The following SPIN1 variants were observed in gnomAD, a reference collection of about 807,000 sequenced individuals.
The protein encoded by SPIN1 is spindlin-1.
SPIN1 carries 3 observed loss-of-function variants against 26.0 expected under a neutral mutation model. The observed-to-expected ratio is 0.12, with a 90% CI of 0.05 to 0.30. The LOEUF is 0.30. Among genes scored for constraint, SPIN1 ranks in the 10% least tolerant of loss-of-function variants. SPIN1 has a pLI of 1.00. For synonymous variants in SPIN1, 101 were observed against 116.5 expected, an observed-to-expected ratio of 0.87 and a Z score of 0.86; for missense variants, 126 against 333.4, an observed-to-expected ratio of 0.38 and a Z score of 4.84.
rs376821565 is a variant in SPIN1 at position 88,475,309 on chromosome 9, A to C, written c.*32A>C. 4.9e-4 allele frequency: 782 copies of C among 1,596,024 alleles called. No homozygotes were observed. Among genetic ancestry groups the C allele is most frequent in the Non-Finnish European group, 6.3e-4 (732 of 1,165,482 alleles). On this transcript the variant is annotated 3_prime_UTR_variant, in exon 6 of 6. Coordinates refer to ENST00000375859, the MANE Select transcript of SPIN1 (RefSeq NM_006717.3). ...TCACAAACTCTGCCAAATTTGTGGA[A>C]CTATGAAATGTATTATTTGTAGACA...
At chr9:88,431,327 T>C (rs751770230) in intron 2 of SPIN1, among the ~76,000 whole-genome samples, 2 of 151,500 alleles carry the variant, frequency 1.3e-5, no homozygotes, top group Non-Finnish European at 2.9e-5. Context: ...AAGAGCTCTG[T>C]CGGCCTGGGC....
At chr9:88,442,423 T>C (rs1446135464) in intron 2 of SPIN1, among the ~76,000 whole-genome samples, 1 of 149,216 alleles carries the variant, frequency 6.7e-6, no homozygotes, top group Non-Finnish European at 1.5e-5. Context: ...TTTTTTTTTT[T>C]GAAGACAGTC....
intron 1 of SPIN1, chr9:88,415,461 C>T (rs1322974074): frequency 6.6e-6 from 1 of 152,140 alleles, no homozygotes; most frequent in Non-Finnish European, 1.5e-5. Flanking sequence ...CTTGCTCTGT[C>T]ACCCAGTGCA....
intron 2 of SPIN1, among the ~76,000 whole-genome samples, chr9:88,430,245 A>G (rs11142295): frequency 0.02 from 3,035 of 152,270 alleles, 94 homozygotes; most frequent in African/African-American, 0.069. Flanking sequence ...CTTCACTCAC[A>G]TGGGCTGATA....
chr9:88,411,498 C>A, intron 1 of SPIN1: 1 of 835,968 alleles, frequency 1.2e-6, no homozygotes, highest in Non-Finnish European at 1.9e-6. Context: ...AATGATGCTT[C>A]AGCGTCATCC....
At position 88,446,886 on chromosome 9, in the gene SPIN1, A is replaced by T. The variant is rs140778367; in HGVS notation, c.53-2055A>T. ...AATGGTTTTTAGAAATTTGATGAAG[A>T]AGTGCCTTGGTGTGGTTTCCTTTGT... On this transcript the variant is annotated intron_variant, in intron 2 of 5. Transcript: ENST00000375859. 7.4e-3 allele frequency among the ~76,000 whole-genome samples: 1,129 copies of T among 152,348 alleles called. 15 individuals are homozygous for T. The highest frequency in any genetic ancestry group is 0.025 in the African/African-American group (1,056 of 41,570).
chr9:88,412,247 C>G (rs1303985629), intron 1 of SPIN1, among the ~76,000 whole-genome samples: 2 of 152,150 alleles, frequency 1.3e-5, no homozygotes, highest in Non-Finnish European at 2.9e-5. Context: ...TTCCTTGCTT[C>G]TGATATGACA....
chr9:88,398,641 T>C (rs937060324), intron 1 of SPIN1, among the ~76,000 whole-genome samples: 4 of 152,172 alleles, frequency 2.6e-5, no homozygotes, highest in African/African-American at 4.8e-5. Flanking sequence ...AATGGCGCGA[T>C]GTTGGCTCAT....
intron 1 of SPIN1, among the ~76,000 whole-genome samples, chr9:88,389,132 C>T (rs1587764430): frequency 6.6e-6 from 1 of 152,238 alleles, no homozygotes; most frequent in East Asian, 1.9e-4. Context: ...GCAGGCTCCG[C>T]GGTTCGCGGC....
rs189553722 is a variant in SPIN1, at chr9:88,404,403, C to T, written c.-159+15865C>T. Among the ~76,000 whole-genome samples, 505 of 152,274 alleles carry T rather than the reference C, an allele frequency of 3.3e-3. 4 individuals carry two copies. The highest frequency in any genetic ancestry group is 0.022 in the South Asian group (107 of 4,828). On this transcript the variant is annotated intron_variant, in intron 1 of 5. Coordinates refer to ENST00000375859, the MANE Select transcript of SPIN1 (RefSeq NM_006717.3). ...AGTCTTGGCTGCTACAGTCAGACAG[C>T]GAAGACACTTTTTTCTTGCATCTGT...
intron 1 of SPIN1, among the ~76,000 whole-genome samples, chr9:88,415,908 TA>T (rs1326012264): frequency 9.0e-5 from 12 of 133,662 alleles, no homozygotes; most frequent in African/African-American, 4.4e-4. Context: ...CATGCTCGGC[TA>T]ATTTTTTTTT....
intron 1 of SPIN1, among the ~76,000 whole-genome samples, chr9:88,393,534 A>G (rs1464564171): frequency 7.7e-6 from 1 of 129,334 alleles, no homozygotes; most frequent in African/African-American, 3.1e-5. Flanking sequence ...AGCTGACTGC[A>G]CCCTCCACCT....
At chr9:88,435,456 C>T (rs984952411) in intron 2 of SPIN1, among the ~76,000 whole-genome samples, 2 of 152,074 alleles carry the variant, frequency 1.3e-5, no homozygotes, top group African/African-American at 4.8e-5. Context: ...GCCATGGTGC[C>T]AGCCCCATTT....
At chr9:88,400,844 CAAA>C (rs754813928) in intron 1 of SPIN1, among the ~76,000 whole-genome samples, 3,909 of 99,688 alleles carry the variant, frequency 0.039, 73 homozygotes, top group African/African-American at 0.059. Flanking sequence ...GACTCCGCCT[CAAA>C]AAAAAAAAAA....
intron 1 of SPIN1, among the ~76,000 whole-genome samples, chr9:88,419,392 A>G (rs1222647599): frequency 6.6e-6 from 1 of 152,208 alleles, no homozygotes; most frequent in Non-Finnish European, 1.5e-5. Context: ...ACACAGCAGC[A>G]GGGGACCCAT....
rs374069959 is a variant in SPIN1, at chr9:88,460,697, G to A, written c.102-1799G>A. 7.2e-5 allele frequency among the ~76,000 whole-genome samples: 11 copies of A among 152,256 alleles called. No homozygotes were observed. In the East Asian group the frequency reaches 7.8e-4, roughly 11 times the overall value. ...TCAGGCAGGCCAGCAGGAAGAAAAA[G>A]GGGTAAATTCCTCCCTCCTCTACCT... On this transcript the variant is annotated intron_variant, in intron 3 of 5. Coordinates refer to ENST00000375859, the MANE Select transcript of SPIN1 (RefSeq NM_006717.3).
chr9:88,473,388 C>T (rs150606930), intron 5 of SPIN1, among the ~76,000 whole-genome samples: 4 of 142,350 alleles, frequency 2.8e-5, no homozygotes, highest in African/African-American at 6.0e-5. Flanking sequence ...AGCAAGACTC[C>T]GTCTCAAAAA....
At chr9:88,451,091 A>G (rs1355486075) in intron 3 of SPIN1, among the ~76,000 whole-genome samples, 1 of 149,844 alleles carries the variant, frequency 6.7e-6, no homozygotes, top group African/African-American at 2.5e-5. Context: ...TCTAAAATGC[A>G]ATTTTTATGG....
chr9:88,392,571 G>GTCTCC (rs532680299), intron 1 of SPIN1, among the ~76,000 whole-genome samples: 3 of 151,946 alleles, frequency 2.0e-5, no homozygotes, highest in Non-Finnish European at 4.4e-5. Context: ...CTTGTTACCT[G>GTCTCC]TCTCCTCTCC....
Sources: gnomAD v4.1 joint callset for allele counts (sites outside exome capture counted in the v4.1 genomes callset) on GRCh38, gnomAD v4.1.1 for gene constraint, MANE v1.5 for transcripts, NCBI Gene and HGNC (gene_info 2026-07-23, HGNC 2026-07-21) for gene names.